DDR2: variants seen among roughly 807,000 people sequenced by gnomAD.
DDR2 encodes the protein discoidin domain-containing receptor 2.
A neutral mutation model predicts 94.9 loss-of-function variants in DDR2; 27 were observed. The ratio of observed to expected loss-of-function variants is 0.28; its 90% confidence interval spans 0.21 to 0.39. The LOEUF is 0.39. Ranked by LOEUF, DDR2 falls within the 10% of genes least tolerant of loss-of-function variation. DDR2 has a pLI of 1.00. For missense variants in DDR2, 783 were observed against 1,076.0 expected (o/e 0.73, Z 3.81); for synonymous variants, 382 against 377.2 (o/e 1.01, Z -0.15).
chr1:162,751,907 A>C (rs1663225721), intron 3 of DDR2, among the ~76,000 whole-genome samples: 1 of 152,238 alleles, frequency 6.6e-6, no homozygotes, highest in South Asian at 2.1e-4. Context: ...CTGAAGGCCA[A>C]GCACCGCATG....
intron 3 of DDR2, among the ~76,000 whole-genome samples, chr1:162,727,211 T>A (rs1243898751): frequency 7.0e-6 from 1 of 143,458 alleles, no homozygotes; most frequent in Non-Finnish European, 1.5e-5. Flanking sequence ...ATTTTGTAAA[T>A]ATAAACATAT....
chr1:162,762,994 G>A (rs770217911), intron 9 of DDR2, among the ~76,000 whole-genome samples: 95 of 151,920 alleles, frequency 6.3e-4, no homozygotes, highest in Non-Finnish European at 1.2e-3. Flanking sequence ...CTGCCACTGC[G>A]CCTGGCTAGT....
At chr1:162,757,539 A>G (rs980277276) in intron 7 of DDR2, among the ~76,000 whole-genome samples, 10 of 152,226 alleles carry the variant, frequency 6.6e-5, no homozygotes, top group African/African-American at 2.4e-4. Context: ...ATTTTGAAGG[A>G]ACCTGAAGTC....
chr1:162,753,037 C>A, intron 3 of DDR2, 58 bp from the exon 4 acceptor site: 2 of 1,438,792 alleles, frequency 1.4e-6, no homozygotes, highest in Non-Finnish European at 2.0e-6. Flanking sequence ...TCCTAGGGGG[C>A]TTGGAAATAA....
chr1:162,770,763 A>C, intron 12 of DDR2: 2 of 567,270 alleles, frequency 3.5e-6, no homozygotes, highest in Non-Finnish European at 3.3e-6. Context: ...ATAATAAAAC[A>C]TGTGAATTAG....
rs1553248675 is a variant in DDR2 at position 162,727,963 on chromosome 1, A to ATC, written c.82+8819_82+8820insCT. Reference sequence around the variant, plus strand: ...GTCGACAATCACACTATATATATCTATATATATATATATAGATATAATCAC... The same window carrying ATC: ...GTCGACAATCACACTATATATATCTATCTATATATATATATAGATATAATCAC... On this transcript the variant is annotated intron_variant, in intron 3 of 17. Coordinates refer to ENST00000367921, the MANE Select transcript of DDR2 (RefSeq NM_006182.4). Among the ~76,000 whole-genome samples the ATC allele has an allele frequency of 4.4e-4, 55 of 125,614 alleles. 1 individual carries two copies. Among genetic ancestry groups the ATC allele is most frequent in the African/African-American group, 1.1e-3 (35 of 33,218 alleles). The allele number at this position is 125,614 out of a possible 152,430, so 82.4% of individuals were successfully genotyped here.
chr1:162,633,133 T>G (rs1028325695), intron 1 of DDR2, among the ~76,000 whole-genome samples: 1 of 152,086 alleles, frequency 6.6e-6, no homozygotes, highest in African/African-American at 2.4e-5. Context: ...GGATGAGGGG[T>G]GGCTTCCCCC....
At chr1:162,763,204 G>A (rs559554734) in intron 9 of DDR2, among the ~76,000 whole-genome samples, 6 of 147,234 alleles carry the variant, frequency 4.1e-5, no homozygotes, top group Middle Eastern at 7.4e-3. Flanking sequence ...TTTTTGAGAC[G>A]GTATCTTGCT....
intron 1 of DDR2, among the ~76,000 whole-genome samples, chr1:162,646,727 A>G (rs1471445111): frequency 6.6e-6 from 1 of 152,204 alleles, no homozygotes; most frequent in Non-Finnish European, 1.5e-5. Flanking sequence ...CTCAATCTTT[A>G]ATATGCATCA....
At chr1:162,742,481 G>C (rs1356923043) in intron 3 of DDR2, among the ~76,000 whole-genome samples, 1 of 152,148 alleles carries the variant, frequency 6.6e-6, no homozygotes. Flanking sequence ...TGGCGGGGAA[G>C]GGACTGCACA....
At chr1:162,763,900 T>C (rs1663871997) in intron 9 of DDR2, among the ~76,000 whole-genome samples, 1 of 152,228 alleles carries the variant, frequency 6.6e-6, no homozygotes, top group Non-Finnish European at 1.5e-5. Flanking sequence ...TTCCTAACAA[T>C]GTTAACAGCA....
chr1:162,672,319 T>G (rs1658893479), intron 2 of DDR2, among the ~76,000 whole-genome samples: 1 of 152,208 alleles, frequency 6.6e-6, no homozygotes, highest in South Asian at 2.1e-4. Flanking sequence ...CTGACATAAT[T>G]TTAGCATTCC....
At chr1:162,722,248 C>A (rs923871110) in intron 3 of DDR2, among the ~76,000 whole-genome samples, 5 of 152,154 alleles carry the variant, frequency 3.3e-5, no homozygotes, top group Non-Finnish European at 4.4e-5. Flanking sequence ...GCAAAGCAGG[C>A]AGTCAGGCAG....
At chr1:162,683,942 TA>T (rs1339625840) in intron 2 of DDR2, among the ~76,000 whole-genome samples, 1 of 152,186 alleles carries the variant, frequency 6.6e-6, no homozygotes, top group Non-Finnish European at 1.5e-5. Flanking sequence ...GAACAATTTT[TA>T]AAACAAACTA....
chr1:162,635,215 T>C (rs1180588260), intron 1 of DDR2, among the ~76,000 whole-genome samples: 2 of 152,184 alleles, frequency 1.3e-5, no homozygotes, highest in East Asian at 3.9e-4. Flanking sequence ...TCCCCAGTCT[T>C]GAAGTCATCT....
At chr1:162,722,931 T>A (rs889905276) in intron 3 of DDR2, among the ~76,000 whole-genome samples, 1 of 152,216 alleles carries the variant, frequency 6.6e-6, no homozygotes, top group Non-Finnish European at 1.5e-5. Context: ...CAAGAAAGAC[T>A]ACTTGTTTCC....
chr1:162,645,150 C>T (rs1021030772), intron 1 of DDR2, among the ~76,000 whole-genome samples: 2 of 152,188 alleles, frequency 1.3e-5, no homozygotes, highest in African/African-American at 4.8e-5. Context: ...GCCTGGTGAA[C>T]AGGCGGGGAC....
intron 3 of DDR2, among the ~76,000 whole-genome samples, chr1:162,745,913 CT>C (rs1248114888): frequency 6.6e-6 from 1 of 151,950 alleles, no homozygotes; most frequent in Non-Finnish European, 1.5e-5. Flanking sequence ...TTCAATTGTT[CT>C]TTTTTTTCTT....
At chr1:162,728,134 A>T (rs1206939357) in intron 3 of DDR2, among the ~76,000 whole-genome samples, 1 of 143,892 alleles carries the variant, frequency 6.9e-6, no homozygotes, top group Non-Finnish European at 1.5e-5. Flanking sequence ...CACACTATAT[A>T]TATCTATATA....
Sources: gnomAD v4.1 joint callset for allele counts (sites outside exome capture counted in the v4.1 genomes callset) on GRCh38, gnomAD v4.1.1 for gene constraint, MANE v1.5 for transcripts, NCBI Gene and HGNC (gene_info 2026-07-23, HGNC 2026-07-21) for gene names.